SPA17: variants seen among roughly 807,000 people sequenced by gnomAD.
The protein encoded by SPA17 is sperm autoantigenic protein 17, also known as sperm surface protein Sp17.
Under a neutral mutation model 13.8 loss-of-function variants are expected in SPA17, and 7 were observed. That is an observed-to-expected ratio of 0.51 (90% CI 0.29 to 0.95). SPA17 has a LOEUF of 0.95. SPA17 is among the 40% of genes least tolerant of loss of function. The probability of loss-of-function intolerance (pLI) is 0.08; values close to 1 mark genes in which losing one functional copy is unlikely to be tolerated. For missense variants in SPA17, 170 were observed against 179.3 expected, an observed-to-expected ratio of 0.95 and a Z score of 0.30; for synonymous variants, 61 against 59.0, an observed-to-expected ratio of 1.03 and a Z score of -0.16.
At chr11:124,678,172 G>C (rs1347858775) in intron 2 of SPA17, among the ~76,000 whole-genome samples, 1 of 152,190 alleles carries the variant, frequency 6.6e-6, no homozygotes, top group African/African-American at 2.4e-5. Flanking sequence ...ACAGGAGTTT[G>C]AGTGAACAAA....
intron 3 of SPA17, among the ~76,000 whole-genome samples, chr11:124,686,583 A>G (rs1489331615): frequency 6.6e-6 from 1 of 152,258 alleles, no homozygotes; most frequent in East Asian, 1.9e-4. Context: ...AGTCAAAATA[A>G]TATCAAGTAT....
chr11:124,677,810 C>T (rs1031523536), intron 2 of SPA17, among the ~76,000 whole-genome samples: 3 of 152,196 alleles, frequency 2.0e-5, no homozygotes, highest in Non-Finnish European at 4.4e-5. Flanking sequence ...TAGAATCCAA[C>T]AGAAAATATT....
At chr11:124,691,624 T>C (rs1943623824) in intron 3 of SPA17, 72 bp from the exon 4 acceptor site, 3 of 879,370 alleles carry the variant, frequency 3.4e-6, no homozygotes, top group Non-Finnish European at 5.2e-6. Context: ...TTTCATTACT[T>C]CTAAGCAGTT....
intron 2 of SPA17, among the ~76,000 whole-genome samples, chr11:124,681,132 T>G (rs1458867018): frequency 6.6e-6 from 1 of 152,120 alleles, no homozygotes; most frequent in African/African-American, 2.4e-5. Context: ...TATTATAAAT[T>G]TTATGAAGGC....
chr11:124,691,198 A>C (rs1267295159), intron 3 of SPA17, among the ~76,000 whole-genome samples: 1 of 152,190 alleles, frequency 6.6e-6, no homozygotes, highest in African/African-American at 2.4e-5. Flanking sequence ...TTCTCCTTTT[A>C]TATTTAAATC....
chr11:124,684,241 A>G (rs1490482981), intron 3 of SPA17, among the ~76,000 whole-genome samples: 1 of 151,986 alleles, frequency 6.6e-6, no homozygotes, highest in Admixed American at 6.6e-5. Flanking sequence ...TCTTCATAGC[A>G]GTGTAAGAAC....
chr11:124,679,763 G>A (rs1943508568), intron 2 of SPA17, among the ~76,000 whole-genome samples: 1 of 152,136 alleles, frequency 6.6e-6, no homozygotes, highest in Admixed American at 6.5e-5. Context: ...CCATACCAGA[G>A]AACAAGGAAG....
At chr11:124,685,709 T>C (rs974040312) in intron 3 of SPA17, among the ~76,000 whole-genome samples, 6 of 152,198 alleles carry the variant, frequency 3.9e-5, no homozygotes, top group Non-Finnish European at 7.3e-5. Flanking sequence ...GGATCCCACT[T>C]GTTGCCTCAG....
intron 2 of SPA17, among the ~76,000 whole-genome samples, chr11:124,679,209 G>A (rs181593279): frequency 1.7e-4 from 26 of 151,370 alleles, no homozygotes; most frequent in Non-Finnish European, 2.7e-4. Flanking sequence ...TATAGACTGC[G>A]TGACATAACC....
chr11:124,686,338 T>C (rs1943578663), intron 3 of SPA17, among the ~76,000 whole-genome samples: 2 of 152,214 alleles, frequency 1.3e-5, no homozygotes, highest in South Asian at 4.1e-4. Context: ...CAATTAAACC[T>C]CTTTTCTTTA....
At chr11:124,676,913 A>T (rs369949676) in intron 2 of SPA17, among the ~76,000 whole-genome samples, 1 of 152,228 alleles carries the variant, frequency 6.6e-6, no homozygotes, top group South Asian at 2.1e-4. Flanking sequence ...AAGGGGAAAA[A>T]ACTAAAATTA....
Position 124,694,585 on chromosome 11 carries a change from G to A in SPA17, c.*139G>A. The A allele has an allele frequency of 3.4e-6, 4 of 1,186,134 alleles. No homozygotes were observed. The highest frequency in any genetic ancestry group is 4.7e-6 in the Non-Finnish European group (4 of 853,350). The allele number at this position is 1,186,134 out of a possible 1,614,324, so 73.5% of individuals were successfully genotyped here. A position where few individuals can be genotyped will look rare whatever the true frequency, so the allele number is the denominator to read the frequency against. On this transcript the variant is annotated 3_prime_UTR_variant, in exon 5 of 5. Transcript: ENST00000227135. ...TTACTGTTGTGAAAATCTGTCATGAGCATTTGTTTAATAAGCATACCATTG... is the reference window on the plus strand; with the variant it reads ...TTACTGTTGTGAAAATCTGTCATGAACATTTGTTTAATAAGCATACCATTG...
intron 3 of SPA17, among the ~76,000 whole-genome samples, chr11:124,686,579 A>C (rs1214463719): frequency 6.6e-6 from 1 of 152,250 alleles, no homozygotes. Flanking sequence ...AAAAAGTCAA[A>C]ATAATATCAA....
At chr11:124,673,994 G>A (rs1247677462) in intron 1 of SPA17, 42 bp downstream of exon 1, 1 of 490,388 alleles carries the variant, frequency 2.0e-6, no homozygotes, top group Non-Finnish European at 3.7e-6. Flanking sequence ...CCAAGACCTA[G>A]CCTTTTCCCT....
intron 3 of SPA17, among the ~76,000 whole-genome samples, chr11:124,687,911 A>G (rs1043773739): frequency 3.9e-5 from 6 of 152,218 alleles, no homozygotes; most frequent in African/African-American, 1.4e-4. Flanking sequence ...GTCCTATTCA[A>G]CATAGTACTG....
rs1321262497 is a variant in SPA17 at position 124,696,020 on chromosome 11, A to G, written c.*1574A>G. ...CACTCAAACACAGTTGATTCACACC[A>G]ACCCTTTCAAGGTTGTGGCTTTCAT... On this transcript the variant is annotated 3_prime_UTR_variant, in exon 5 of 5. Transcript: ENST00000227135. 2 of 152,182 alleles carry G rather than the reference A, an allele frequency of 1.3e-5. No individual in the cohort carries two copies. Among genetic ancestry groups the G allele is most frequent in the African/African-American group, 2.4e-5 (1 of 41,426 alleles). The allele number at this position is 152,182 out of a possible 1,614,324, so 9.4% of individuals were successfully genotyped here.
chr11:124,675,448 A>C, intron 2 of SPA17, 30 bp downstream of exon 2: 2 of 1,600,490 alleles, frequency 1.2e-6, no homozygotes, highest in East Asian at 2.2e-5. Context: ...TCATTTTTTA[A>C]AATAAGAAAC....
At position 124,673,923 on chromosome 11, in the gene SPA17, A is replaced by C. The variant is rs1591400353; in HGVS notation, c.-57A>C. ...CCCAGCAACTAGAAAAACAACCGGA[A>C]CCGGCGGCACCAGCTCGGAGAGAAA... On this transcript the variant is annotated 5_prime_UTR_variant, in exon 1 of 5. Coordinates refer to ENST00000227135, the MANE Select transcript of SPA17 (RefSeq NM_017425.4). 1 of 578,926 alleles carries C rather than the reference A, an allele frequency of 1.7e-6. No homozygotes were observed. Among genetic ancestry groups the C allele is most frequent in the African/African-American group, 1.9e-5 (1 of 52,904 alleles). The allele number at this position is 578,926 out of a possible 1,614,324, so 35.9% of individuals were successfully genotyped here.
At chr11:124,678,247 G>A (rs1441793202) in intron 2 of SPA17, among the ~76,000 whole-genome samples, 3 of 151,824 alleles carry the variant, frequency 2.0e-5, no homozygotes, top group African/African-American at 4.8e-5. Flanking sequence ...ACTATCTCTC[G>A]ATAATACTAT....
Sources: gnomAD v4.1 joint callset for allele counts (sites outside exome capture counted in the v4.1 genomes callset) on GRCh38, gnomAD v4.1.1 for gene constraint, MANE v1.5 for transcripts, NCBI Gene and HGNC (gene_info 2026-07-23, HGNC 2026-07-21) for gene names.